Variants in GABRB3 observed in about 807,000 individuals in gnomAD.
GABRB3 encodes the protein gamma-aminobutyric acid receptor subunit beta-3.
GABRB3 carries 14 observed loss-of-function variants against 52.1 expected under a neutral mutation model. That is an observed-to-expected ratio of 0.27 (90% CI 0.18 to 0.42). The LOEUF is 0.42. Ranked by LOEUF, GABRB3 falls within the 10% of genes least tolerant of loss-of-function variation. GABRB3 has a pLI of 1.00. For synonymous variants in GABRB3, 260 were observed against 232.3 expected, an observed-to-expected ratio of 1.12 and a Z score of -1.08; for missense variants, 307 against 609.1, an observed-to-expected ratio of 0.50 and a Z score of 5.22.
intron 7 of GABRB3, among the ~76,000 whole-genome samples, chr15:26,566,556 T>C (rs1003920430): frequency 1.3e-5 from 2 of 152,010 alleles, no homozygotes; most frequent in Non-Finnish European, 2.9e-5. Flanking sequence ...CGAAACCCCA[T>C]CTCTACAAAA....
At chr15:26,667,470 T>C (rs905181948) in intron 3 of GABRB3, among the ~76,000 whole-genome samples, 23 of 152,230 alleles carry the variant, frequency 1.5e-4, no homozygotes, top group African/African-American at 5.3e-4. Context: ...CAGTTCTACC[T>C]GGAGCATGTG....
chr15:26,596,044 C>G (rs1313553858), intron 4 of GABRB3, among the ~76,000 whole-genome samples: 1 of 152,080 alleles, frequency 6.6e-6, no homozygotes, highest in Non-Finnish European at 1.5e-5. Context: ...GCTTCCTCAG[C>G]CTTTGGGGGT....
chr15:26,606,805 TATAG>T lies in GABRB3; in HGVS notation c.461+14505_461+14508del, dbSNP rs59223052. 8.2e-3 allele frequency among the ~76,000 whole-genome samples: 967 copies of T among 118,018 alleles called. 28 individuals are homozygous for T. Among genetic ancestry groups the T allele is most frequent in the African/African-American group, 0.025 (913 of 36,060 alleles). 77.4% of individuals were successfully genotyped at this position (118,018 alleles called of 152,430 possible). A position where few individuals can be genotyped will look rare whatever the true frequency, so the allele number is the denominator to read the frequency against. ...AGATATATCTATAGATAGATATATC[TATAG>T]ATAGATAGATAGATAGATAGATAGA... On this transcript the variant is annotated intron_variant, in intron 4 of 8. Transcript: ENST00000311550.
intron 7 of GABRB3, among the ~76,000 whole-genome samples, chr15:26,564,499 G>A (rs1186418510): frequency 6.6e-6 from 1 of 152,168 alleles, no homozygotes; most frequent in African/African-American, 2.4e-5. Flanking sequence ...ACAGTGCCCA[G>A]AGCCCAAGGG....
At chr15:26,642,820 C>T (rs530723464) in intron 3 of GABRB3, among the ~76,000 whole-genome samples, 3 of 152,246 alleles carry the variant, frequency 2.0e-5, no homozygotes, top group South Asian at 2.1e-4. Flanking sequence ...ATCCATTCAT[C>T]ATTTTCTATT....
intron 6 of GABRB3, 114 bp from the exon 7 acceptor site, chr15:26,567,847 G>A: frequency 1.0e-6 from 1 of 995,222 alleles, no homozygotes; most frequent in Non-Finnish European, 1.6e-6. Context: ...GAATAAAGGG[G>A]TGACCCACCA....
At chr15:26,638,460 A>C (rs1485483039) in intron 3 of GABRB3, among the ~76,000 whole-genome samples, 1 of 152,230 alleles carries the variant, frequency 6.6e-6, no homozygotes, top group Non-Finnish European at 1.5e-5. Flanking sequence ...TTCCAAGGTG[A>C]TCTCAATCAT....
chr15:26,598,206 G>T (rs533163995), intron 4 of GABRB3, among the ~76,000 whole-genome samples: 2 of 150,002 alleles, frequency 1.3e-5, no homozygotes, highest in South Asian at 2.1e-4. Context: ...TAGATCACAA[G>T]TTTTTTTTTT....
chr15:26,584,814 C>T (rs1432217678), intron 4 of GABRB3, among the ~76,000 whole-genome samples: 3 of 152,184 alleles, frequency 2.0e-5, no homozygotes, highest in Non-Finnish European at 2.9e-5. Context: ...CCTTTCCCCA[C>T]CACTGTCAAA....
rs138389321 is a variant in GABRB3, at chr15:26,630,686, A to G, written c.241-9152T>C. ...ACTTGAATTAAAAAGCCATTTATTCATCTTGGCTTATTTTGGGGATCATAA... is the reference window on the plus strand; with the variant it reads ...ACTTGAATTAAAAAGCCATTTATTCGTCTTGGCTTATTTTGGGGATCATAA... On this transcript the variant is annotated intron_variant, in intron 3 of 8. Transcript: ENST00000311550. Among the ~76,000 whole-genome samples the G allele has an allele frequency of 1.8e-3, 270 of 152,324 alleles. 2 individuals carry two copies. Among genetic ancestry groups the G allele is most frequent in the African/African-American group, 6.3e-3 (261 of 41,580 alleles).
chr15:26,547,929 C>T lies in GABRB3; in HGVS notation c.1286G>A (p.Arg429Gln), dbSNP rs777882335. The change falls in exon 9 of 9, where the codon CGG becomes CAG. Residue 429 changes from arginine (R) to glutamine (Q), a missense_variant. By Grantham distance (43) the Arg-to-Gln change is conservative. This residue lies in a region of GABRB3 where 115 missense variants were observed against 166.9 expected (regional missense o/e 0.69). Coordinates refer to ENST00000311550, the MANE Select transcript of GABRB3 (RefSeq NM_000814.6). ...RSLPHKKTHL[R>Q]RRSSQLKIKI... ...AATTTTGAGCTGTGAAGACCTCCTCCGTAGATGGGTCTTCTTGTGCGGGAG... is the reference window on the plus strand; with the variant it reads ...AATTTTGAGCTGTGAAGACCTCCTCTGTAGATGGGTCTTCTTGTGCGGGAG... 1.9e-5 allele frequency: 31 copies of T among 1,614,006 alleles called. No individual in the cohort carries two copies. Among genetic ancestry groups the T allele is most frequent in the Non-Finnish European group, 2.6e-5 (31 of 1,179,996 alleles).
intron 3 of GABRB3, among the ~76,000 whole-genome samples, chr15:26,713,685 GT>G (rs1889375516): frequency 6.6e-6 from 1 of 152,206 alleles, no homozygotes; most frequent in African/African-American, 2.4e-5. Flanking sequence ...GCAACACGCT[GT>G]TTCCATAAGA....
intron 3 of GABRB3, among the ~76,000 whole-genome samples, chr15:26,634,061 A>C (rs1415066838): frequency 6.6e-6 from 1 of 152,134 alleles, no homozygotes; most frequent in African/African-American, 2.4e-5. Flanking sequence ...TAAGTTGGTG[A>C]CCTACTGTAG....
chr15:26,591,908 A>G (rs1891220879), intron 4 of GABRB3, among the ~76,000 whole-genome samples: 1 of 152,262 alleles, frequency 6.6e-6, no homozygotes, highest in Non-Finnish European at 1.5e-5. Context: ...CAAGTGCTCA[A>G]CAGCCCTCTG....
At chr15:26,687,410 C>T (rs577795129) in intron 3 of GABRB3, among the ~76,000 whole-genome samples, 28 of 152,162 alleles carry the variant, frequency 1.8e-4, no homozygotes, top group African/African-American at 6.3e-4. Flanking sequence ...AAAGAGGTGA[C>T]GCTAACAGGA....
intron 4 of GABRB3, among the ~76,000 whole-genome samples, chr15:26,586,551 T>C (rs949482377): frequency 6.6e-6 from 1 of 151,890 alleles, no homozygotes; most frequent in Non-Finnish European, 1.5e-5. Flanking sequence ...TCCCACCAAG[T>C]ACACCAAGTA....
intron 3 of GABRB3, among the ~76,000 whole-genome samples, chr15:26,734,219 T>C (rs1378598572): frequency 1.3e-5 from 2 of 151,726 alleles, no homozygotes; most frequent in East Asian, 3.9e-4. Context: ...TTAGTACAGA[T>C]GGGGTTTCTT....
At chr15:26,769,411 G>T (rs563379735) in intron 3 of GABRB3, among the ~76,000 whole-genome samples, 1 of 151,930 alleles carries the variant, frequency 6.6e-6, no homozygotes, top group African/African-American at 2.4e-5. Context: ...GTCATCTTAC[G>T]CCACATCTCA....
At chr15:26,675,557 T>C (rs1888040885) in intron 3 of GABRB3, among the ~76,000 whole-genome samples, 1 of 152,120 alleles carries the variant, frequency 6.6e-6, no homozygotes. Context: ...ACCATTGAGA[T>C]AGGTATAAGG....
Sources: allele counts gnomAD v4.1 joint callset (sites outside exome capture counted in the v4.1 genomes callset), GRCh38; gene constraint gnomAD v4.1.1; regional missense constraint gnomAD v4.1.1; transcripts MANE v1.5; gene names NCBI Gene and HGNC (gene_info 2026-07-23, HGNC 2026-07-21).